The following NTM variants were observed in gnomAD, a reference collection of about 807,000 sequenced individuals.
NTM encodes IgLON family member 2.
Under a neutral mutation model 42.1 loss-of-function variants are expected in NTM, and 13 were observed. That is an observed-to-expected ratio of 0.31 (90% CI 0.20 to 0.49). The LOEUF is 0.49. NTM is among the 20% of genes least tolerant of loss of function. The probability of loss-of-function intolerance (pLI) is 0.99; values close to 1 mark genes in which losing one functional copy is unlikely to be tolerated. For missense variants in NTM, 373 were observed against 452.8 expected (o/e 0.82, Z 1.60); for synonymous variants, 187 against 179.2 (o/e 1.04, Z -0.35).
chr11:131,437,643 T>G (rs1949261605), intron 1 of NTM, among the ~76,000 whole-genome samples: 1 of 152,206 alleles, frequency 6.6e-6, no homozygotes, highest in Non-Finnish European at 1.5e-5. Context: ...GCTTGGTAGA[T>G]CTTCCTCCAT....
intron 4 of NTM, among the ~76,000 whole-genome samples, chr11:132,212,917 G>A (rs1160962129): frequency 6.6e-6 from 1 of 151,448 alleles, no homozygotes; most frequent in East Asian, 1.9e-4. Context: ...AAGCGGTGAA[G>A]TTTTCACACT....
At chr11:131,758,360 A>T (rs1481052631) in intron 1 of NTM, among the ~76,000 whole-genome samples, 1 of 151,718 alleles carries the variant, frequency 6.6e-6, no homozygotes, top group African/African-American at 2.4e-5. Flanking sequence ...TGTTATTTAC[A>T]TTTGAAAAAG....
chr11:131,768,714 A>G (rs901525112), intron 1 of NTM, among the ~76,000 whole-genome samples: 2 of 152,192 alleles, frequency 1.3e-5, no homozygotes, highest in Non-Finnish European at 2.9e-5. Flanking sequence ...AGCAACATGA[A>G]CTAGGTGTCA....
chr11:131,839,373 G>T (rs1422687904), intron 1 of NTM, among the ~76,000 whole-genome samples: 1 of 152,220 alleles, frequency 6.6e-6, no homozygotes, highest in Non-Finnish European at 1.5e-5. Flanking sequence ...TTTGAGGTTG[G>T]TGTCATTTAT....
At chr11:131,933,889 G>GTT (rs2058919892) in intron 2 of NTM, among the ~76,000 whole-genome samples, 1 of 151,868 alleles carries the variant, frequency 6.6e-6, no homozygotes, top group Non-Finnish European at 1.5e-5. Context: ...TCTGGGGGGG[G>GTT]ATGTTGTTTT....
intron 4 of NTM, among the ~76,000 whole-genome samples, chr11:132,294,317 A>G (rs1375494900): frequency 1.3e-5 from 2 of 151,518 alleles, no homozygotes; most frequent in East Asian, 3.9e-4. Flanking sequence ...CCTTCATCCC[A>G]GTTTTTTATC....
chr11:131,823,446 G>A (rs543039704), intron 1 of NTM, among the ~76,000 whole-genome samples: 8 of 152,254 alleles, frequency 5.3e-5, no homozygotes, highest in South Asian at 4.1e-4. Context: ...CACCAGAGAC[G>A]CGGCTCAGAC....
chr11:132,174,961 C>A (rs1056330667), intron 3 of NTM, among the ~76,000 whole-genome samples: 3 of 152,044 alleles, frequency 2.0e-5, no homozygotes, highest in Non-Finnish European at 2.9e-5. Flanking sequence ...GGTAACAAGA[C>A]TTCATATTTA....
chr11:132,049,350 C>T (rs1278434545), intron 2 of NTM, among the ~76,000 whole-genome samples: 5 of 152,170 alleles, frequency 3.3e-5, no homozygotes, highest in Non-Finnish European at 7.3e-5. Context: ...AGGGCACATT[C>T]CCCCTTCATG....
chr11:132,138,076 C>T lies in NTM; in HGVS notation c.168-8206C>T, dbSNP rs1214672484. On this transcript the variant is annotated intron_variant, in intron 2 of 8. Transcript: ENST00000683400. ...GCTGGACATGCTGCACCTTACTCCTCCTTGCTGTTTACCAAGCTCTTTCCA... is the reference window on the plus strand; with the variant it reads ...GCTGGACATGCTGCACCTTACTCCTTCTTGCTGTTTACCAAGCTCTTTCCA... Among the ~76,000 whole-genome samples the T allele has an allele frequency of 3.3e-5, 5 of 152,186 alleles. 1 individual carries two copies. The East Asian group carries it at 9.6e-4, about 29-fold the overall frequency.
intron 1 of NTM, among the ~76,000 whole-genome samples, chr11:131,434,840 T>G (rs7924939): frequency 0.82 from 125,273 of 152,098 alleles, 53,491 homozygotes; most frequent in Non-Finnish European, 0.95. Flanking sequence ...TTGCTTTTGG[T>G]GTTTTAGTCA....
chr11:132,103,018 T>C (rs558677765), intron 2 of NTM, among the ~76,000 whole-genome samples: 11 of 152,236 alleles, frequency 7.2e-5, no homozygotes, highest in Non-Finnish European at 8.8e-5. Context: ...TCAGGGAGCC[T>C]GTGGCATCTA....
chr11:131,648,580 G>T (rs2066059935), intron 1 of NTM, among the ~76,000 whole-genome samples: 1 of 152,164 alleles, frequency 6.6e-6, no homozygotes, highest in East Asian at 1.9e-4. Context: ...TAGAAAAGAT[G>T]ATTTCAATTC....
intron 1 of NTM, among the ~76,000 whole-genome samples, chr11:131,531,350 G>A (rs949896585): frequency 6.6e-6 from 1 of 152,088 alleles, no homozygotes; most frequent in African/African-American, 2.4e-5. Context: ...GTTTCACCTT[G>A]TTGCCCAGGT....
chr11:132,080,648 T>G (rs532899904), intron 2 of NTM, among the ~76,000 whole-genome samples: 204 of 152,326 alleles, frequency 1.3e-3, no homozygotes, highest in African/African-American at 4.8e-3. Flanking sequence ...CCTTTAAGCT[T>G]CAATGACCTG....
Position 131,998,555 on chromosome 11 carries a change from A to T in NTM, c.167+86907A>T, listed in dbSNP as rs557863660. On this transcript the variant is annotated intron_variant, in intron 2 of 8. Coordinates refer to ENST00000683400, the MANE Select transcript of NTM (RefSeq NM_001352005.2). Reference sequence around the variant, plus strand: ...CCACGTAGCTGGTTGACTTTTTTTTAAATTTCCAAAAACCTGATCTTTAAA... The same window carrying T: ...CCACGTAGCTGGTTGACTTTTTTTTTAATTTCCAAAAACCTGATCTTTAAA... Among the ~76,000 whole-genome samples, 13 of 152,136 alleles carry T rather than the reference A, an allele frequency of 8.5e-5. No homozygotes were observed. In the East Asian group the frequency reaches 9.7e-4, roughly 11 times the overall value.
intron 1 of NTM, among the ~76,000 whole-genome samples, chr11:131,812,853 G>T (rs2092795385): frequency 6.6e-6 from 1 of 152,314 alleles, no homozygotes; most frequent in East Asian, 1.9e-4. Flanking sequence ...TCAAGGGCCT[G>T]TGAGGAGCTT....
intron 1 of NTM, among the ~76,000 whole-genome samples, chr11:131,464,617 C>T (rs1262183317): frequency 6.6e-6 from 1 of 152,188 alleles, no homozygotes; most frequent in Admixed American, 6.5e-5. Flanking sequence ...ATTCTACATA[C>T]TCAGGCAGTC....
intron 1 of NTM, among the ~76,000 whole-genome samples, chr11:131,842,836 C>T (rs997177194): frequency 6.6e-6 from 1 of 151,954 alleles, no homozygotes; most frequent in African/African-American, 2.4e-5. Flanking sequence ...CATGGTGAAA[C>T]CTCATTTCTA....
Sources: allele counts gnomAD v4.1 joint callset (sites outside exome capture counted in the v4.1 genomes callset), GRCh38; gene constraint gnomAD v4.1.1; transcripts MANE v1.5; gene names NCBI Gene and HGNC (gene_info 2026-07-23, HGNC 2026-07-21).